The following TENM3 variants were observed in gnomAD, a reference collection of about 807,000 sequenced individuals.
The protein encoded by TENM3 is teneurin transmembrane protein 3, also known as teneurin-3.
A neutral mutation model predicts 255.1 loss-of-function variants in TENM3; 63 were observed. That is an observed-to-expected ratio of 0.25 (90% confidence interval 0.20 to 0.30). The LOEUF is 0.30. TENM3 is among the 10% of genes least tolerant of loss of function. The pLI is 1.00. For synonymous variants in TENM3, 1,306 were observed against 1,322.3 expected (o/e 0.99, Z 0.27); for missense variants, 2,929 against 3,461.1 (o/e 0.85, Z 3.86).
chr4:182,550,448 A>G (rs569948147), intron 3 of TENM3, among the ~76,000 whole-genome samples: 1 of 152,198 alleles, frequency 6.6e-6, no homozygotes, highest in African/African-American at 2.4e-5. Flanking sequence ...GTTTTTCTCA[A>G]CTGCTCTAAT....
At chr4:182,381,518 T>C (rs1205239005) in intron 3 of TENM3, among the ~76,000 whole-genome samples, 4 of 152,082 alleles carry the variant, frequency 2.6e-5, no homozygotes, top group Non-Finnish European at 5.9e-5. Flanking sequence ...CAATGGGTTC[T>C]ATAGCTGTTC....
chr4:181,850,063 TTCTC>T, the TENM3 span, among the ~76,000 whole-genome samples: 1 of 151,570 alleles, frequency 6.6e-6, no homozygotes, highest in Non-Finnish European at 1.5e-5. Flanking sequence ...TGCCTTTCTC[TTCTC>T]TCTCTTTCCC....
At chr4:182,369,812 C>T (rs1045313068) in intron 3 of TENM3, among the ~76,000 whole-genome samples, 7 of 151,968 alleles carry the variant, frequency 4.6e-5, no homozygotes, top group Admixed American at 1.3e-4. Context: ...ACCCGGGAGG[C>T]GGTTGCAGGG....
intron 13 of TENM3, among the ~76,000 whole-genome samples, chr4:182,725,922 G>A (rs188028735): frequency 6.6e-6 from 1 of 152,286 alleles, no homozygotes; most frequent in Non-Finnish European, 1.5e-5. Context: ...ACAGGTGTGA[G>A]CTACCGCGCC....
At chr4:182,787,606 C>T (rs577434012) in intron 24 of TENM3, among the ~76,000 whole-genome samples, 10 of 151,766 alleles carry the variant, frequency 6.6e-5, no homozygotes, top group East Asian at 1.9e-4. Flanking sequence ...TGGTGGCAGG[C>T]GCCTGTAATC....
At chr4:181,997,092 A>G in the TENM3 span, among the ~76,000 whole-genome samples, 2 of 152,214 alleles carry the variant, frequency 1.3e-5, no homozygotes, top group Non-Finnish European at 2.9e-5. Context: ...GCAGAAGACA[A>G]CCTTAGAGAT....
At chr4:181,591,605 G>A in the TENM3 span, among the ~76,000 whole-genome samples, 4 of 152,226 alleles carry the variant, frequency 2.6e-5, no homozygotes, top group Non-Finnish European at 4.4e-5. Context: ...CCACACAACA[G>A]GAGGTGAACA....
the TENM3 span, among the ~76,000 whole-genome samples, chr4:181,765,248 T>C: frequency 6.6e-6 from 1 of 152,192 alleles, no homozygotes; most frequent in Non-Finnish European, 1.5e-5. Context: ...TCTGATCTCT[T>C]GGGAAATGTT....
intron 2 of TENM3, among the ~76,000 whole-genome samples, chr4:182,324,849 C>T (rs1395960385): frequency 6.6e-6 from 1 of 152,142 alleles, no homozygotes; most frequent in Non-Finnish European, 1.5e-5. Flanking sequence ...CAATGTAATC[C>T]ACTAGGGCTT....
the TENM3 span, among the ~76,000 whole-genome samples, chr4:181,879,604 A>T: frequency 6.6e-6 from 1 of 152,330 alleles, no homozygotes; most frequent in Admixed American, 6.5e-5. Flanking sequence ...AAATTTGAGA[A>T]GACATGGTTT....
chr4:182,514,621 T>TCCCC (rs1278608108), intron 3 of TENM3, among the ~76,000 whole-genome samples: 4 of 152,206 alleles, frequency 2.6e-5, no homozygotes, highest in Admixed American at 1.3e-4. Flanking sequence ...TGTGATGTAG[T>TCCCC]CTGATAGTTT....
intron 24 of TENM3, among the ~76,000 whole-genome samples, chr4:182,786,188 A>C (rs766741465): frequency 3.9e-5 from 6 of 152,052 alleles, no homozygotes; most frequent in Non-Finnish European, 5.9e-5. Flanking sequence ...CAAGGCACGC[A>C]CAGTGATGGC....
intron 5 of TENM3, among the ~76,000 whole-genome samples, chr4:182,644,726 AC>A (rs1752593440): frequency 6.6e-6 from 1 of 152,196 alleles, no homozygotes; most frequent in Non-Finnish European, 1.5e-5. Flanking sequence ...ACAGAAACAT[AC>A]TAAGAGTTTG....
the TENM3 span, among the ~76,000 whole-genome samples, chr4:181,722,276 A>C: frequency 1.6e-4 from 24 of 152,292 alleles, no homozygotes; most frequent in Middle Eastern, 6.8e-3. Flanking sequence ...AGACCAGTTC[A>C]TGGCACATAG....
chr4:182,244,170 G>C (rs1484124403), intron 1 of TENM3, among the ~76,000 whole-genome samples: 1 of 151,498 alleles, frequency 6.6e-6, no homozygotes, highest in Non-Finnish European at 1.5e-5. Context: ...AGCCGGGATG[G>C]TCTCGATCTC....
chr4:182,773,078 AAGTC>A (rs1764392236), intron 22 of TENM3, among the ~76,000 whole-genome samples: 1 of 152,246 alleles, frequency 6.6e-6, no homozygotes, highest in Admixed American at 6.5e-5. Context: ...CCGAGGGAGT[AAGTC>A]AGTAAATCTT....
At chr4:181,605,486 GAAAGAAAGAAAGAA>G in the TENM3 span, among the ~76,000 whole-genome samples, 818 of 17,162 alleles carry the variant, frequency 0.048, 59 homozygotes, top group Non-Finnish European at 0.059. Flanking sequence ...AACAGAGAAA[GAAAGAAAGAAAGAA>G]AGAAAGAAAG....
chr4:181,695,391 C>T, the TENM3 span, among the ~76,000 whole-genome samples: 1 of 152,038 alleles, frequency 6.6e-6, no homozygotes, highest in Admixed American at 6.6e-5. Context: ...ATGAGTAATC[C>T]CCAAATCAAT....
chr4:182,378,628 G>A (rs1376951760), intron 3 of TENM3, among the ~76,000 whole-genome samples: 8 of 152,158 alleles, frequency 5.3e-5, no homozygotes, highest in Non-Finnish European at 1.2e-4. Context: ...CTGAAAACAG[G>A]CCTCGGAAGG....
Sources: allele counts gnomAD v4.1 joint callset (sites outside exome capture counted in the v4.1 genomes callset), GRCh38; gene constraint gnomAD v4.1.1; transcripts MANE v1.5; gene names NCBI Gene and HGNC (gene_info 2026-07-23, HGNC 2026-07-21).